Variants in CNTN5 observed in about 807,000 individuals in gnomAD.
The protein encoded by CNTN5 is contactin 5, also known as contactin-5.
In CNTN5, 77 loss-of-function variants were observed where a neutral mutation model predicts 129.1. The ratio of observed to expected loss-of-function variants is 0.60; its 90% CI spans 0.50 to 0.72. The LOEUF (loss-of-function observed/expected upper bound fraction) is 0.72, where lower values mean the gene tolerates loss of function less well. Among genes scored for constraint, CNTN5 ranks in the 30% least tolerant of loss-of-function variants. The pLI is 0.00. For synonymous variants in CNTN5, 509 were observed against 465.6 expected, an observed-to-expected ratio of 1.09 and a Z score of -1.20; for missense variants, 1,478 against 1,328.8, an observed-to-expected ratio of 1.11 and a Z score of -1.75.
chr11:99,058,117 CG>C (rs1565282780), intron 1 of CNTN5, among the ~76,000 whole-genome samples: 2 of 151,822 alleles, frequency 1.3e-5, no homozygotes, highest in Non-Finnish European at 2.9e-5. Flanking sequence ...AAAGAAAATT[CG>C]GAAGTTACTA....
intron 6 of CNTN5, among the ~76,000 whole-genome samples, chr11:99,886,043 A>G (rs1381349194): frequency 1.3e-5 from 2 of 152,144 alleles, no homozygotes; most frequent in African/African-American, 2.4e-5. Flanking sequence ...GTGTATCTAC[A>G]TTAAAAAATT....
At chr11:99,381,761 G>A (rs1286392054) in intron 2 of CNTN5, among the ~76,000 whole-genome samples, 1 of 152,094 alleles carries the variant, frequency 6.6e-6, no homozygotes, top group Non-Finnish European at 1.5e-5. Flanking sequence ...TTTTCTTAGA[G>A]CTCATATTTT....
chr11:99,743,349 T>C (rs1943944723), intron 3 of CNTN5, among the ~76,000 whole-genome samples: 1 of 152,142 alleles, frequency 6.6e-6, no homozygotes, highest in Admixed American at 6.5e-5. Context: ...TGTTCAGATA[T>C]TAGGAAGCAT....
chr11:99,926,862 GTTAAATTAATGAA>G (rs1950074321), intron 7 of CNTN5, among the ~76,000 whole-genome samples: 1 of 151,874 alleles, frequency 6.6e-6, no homozygotes, highest in Non-Finnish European at 1.5e-5. Context: ...ATGTGTCTTT[GTTAAATTAATGAA>G]ACCCACAACT....
At chr11:99,891,676 C>T (rs539482937) in intron 6 of CNTN5, among the ~76,000 whole-genome samples, 2 of 152,258 alleles carry the variant, frequency 1.3e-5, no homozygotes, top group Admixed American at 1.3e-4. Context: ...TTTTTTATGG[C>T]TGCGTGGTAT....
intron 21 of CNTN5, among the ~76,000 whole-genome samples, chr11:100,319,552 A>G (rs1225809132): frequency 6.6e-6 from 1 of 152,222 alleles, no homozygotes; most frequent in Non-Finnish European, 1.5e-5. Context: ...GCTAATTAGC[A>G]TATGCATTAT....
chr11:99,412,244 C>A (rs1179100221), intron 2 of CNTN5, among the ~76,000 whole-genome samples: 4 of 152,068 alleles, frequency 2.6e-5, no homozygotes, highest in Non-Finnish European at 5.9e-5. Context: ...CTGTACTGTA[C>A]ATTGGTGAGG....
At chr11:99,541,189 T>C (rs1165560345) in intron 2 of CNTN5, among the ~76,000 whole-genome samples, 1 of 152,182 alleles carries the variant, frequency 6.6e-6, no homozygotes, top group Non-Finnish European at 1.5e-5. Context: ...ACTAGCTGAC[T>C]GAATCCTCTG....
At chr11:99,907,865 A>T (rs780742069) in intron 6 of CNTN5, among the ~76,000 whole-genome samples, 2 of 152,032 alleles carry the variant, frequency 1.3e-5, no homozygotes, top group South Asian at 4.1e-4. Flanking sequence ...TATCAAATCA[A>T]TTATCAAAAT....
At chr11:100,116,196 A>G (rs1945834827) in intron 13 of CNTN5, among the ~76,000 whole-genome samples, 2 of 152,056 alleles carry the variant, frequency 1.3e-5, no homozygotes, top group South Asian at 4.1e-4. Flanking sequence ...AAGCAGAGGA[A>G]AGAGTTCTTC....
chr11:100,121,537 G>T (rs1946022438), intron 13 of CNTN5, among the ~76,000 whole-genome samples: 1 of 151,972 alleles, frequency 6.6e-6, no homozygotes, highest in Non-Finnish European at 1.5e-5. Flanking sequence ...TCCTCTCCTT[G>T]GTGGGTCTGC....
chr11:99,749,311 AAC>A (rs1181726657), intron 3 of CNTN5, among the ~76,000 whole-genome samples: 1 of 152,194 alleles, frequency 6.6e-6, no homozygotes, highest in Non-Finnish European at 1.5e-5. Flanking sequence ...AGATGTAAAA[AAC>A]ACAGTAAGAA....
At chr11:99,266,790 A>C (rs1862920644) in intron 1 of CNTN5, among the ~76,000 whole-genome samples, 1 of 152,016 alleles carries the variant, frequency 6.6e-6, no homozygotes, top group Non-Finnish European at 1.5e-5. Context: ...GCCCTGAACA[A>C]ATAATGAGGA....
chr11:99,740,917 T>C (rs1943869035), intron 3 of CNTN5, among the ~76,000 whole-genome samples: 1 of 152,196 alleles, frequency 6.6e-6, no homozygotes, highest in African/African-American at 2.4e-5. Flanking sequence ...TATCTGCTTA[T>C]GTTTTCTGCT....
chr11:100,269,561 C>T (rs1950370760), intron 17 of CNTN5, among the ~76,000 whole-genome samples: 1 of 151,974 alleles, frequency 6.6e-6, no homozygotes, highest in African/African-American at 2.4e-5. Flanking sequence ...GAGGTCCACC[C>T]CTTAATAAGG....
chr11:99,144,226 T>A (rs942518004), intron 1 of CNTN5, among the ~76,000 whole-genome samples: 1 of 152,194 alleles, frequency 6.6e-6, no homozygotes, highest in South Asian at 2.1e-4. Context: ...AAATTGAGAA[T>A]TTGAATTAAG....
chr11:99,515,596 T>A (rs1947015924), intron 2 of CNTN5, among the ~76,000 whole-genome samples: 1 of 152,012 alleles, frequency 6.6e-6, no homozygotes, highest in Admixed American at 6.6e-5. Context: ...AAGTTCAAAG[T>A]AGGAACATAT....
At chr11:99,173,349 T>C (rs552195246) in intron 1 of CNTN5, among the ~76,000 whole-genome samples, 2 of 152,226 alleles carry the variant, frequency 1.3e-5, no homozygotes, top group African/African-American at 4.8e-5. Flanking sequence ...TGGTCCAAAA[T>C]GCTAGCTAGA....
At chr11:99,526,370 A>T (rs1947485686) in intron 2 of CNTN5, among the ~76,000 whole-genome samples, 1 of 152,234 alleles carries the variant, frequency 6.6e-6, no homozygotes, top group Non-Finnish European at 1.5e-5. Context: ...AACCCATTCA[A>T]TTCATTGGAT....
Sources: allele counts gnomAD v4.1 joint callset (sites outside exome capture counted in the v4.1 genomes callset), GRCh38; gene constraint gnomAD v4.1.1; transcripts MANE v1.5; gene names NCBI Gene and HGNC (gene_info 2026-07-23, HGNC 2026-07-21).